The following TMOD3 variants were observed in gnomAD, a reference collection of about 807,000 sequenced individuals.
The protein encoded by TMOD3 is tropomodulin-3.
Under a neutral mutation model 39.2 loss-of-function variants are expected in TMOD3, and 20 were observed. That is an observed-to-expected ratio of 0.51 (90% CI 0.36 to 0.74). TMOD3 has a LOEUF of 0.74. Among genes scored for constraint, TMOD3 ranks in the 30% least tolerant of loss-of-function variants. The pLI is 0.00. For synonymous variants in TMOD3, 143 were observed against 145.8 expected (o/e 0.98, Z 0.14); for missense variants, 381 against 412.8 (o/e 0.92, Z 0.67).
intron 1 of TMOD3, among the ~76,000 whole-genome samples, chr15:51,840,776 G>A (rs1567260280): frequency 6.6e-6 from 1 of 152,190 alleles, no homozygotes; most frequent in Non-Finnish European, 1.5e-5. Flanking sequence ...ATTGCCTTCT[G>A]AGATTGTTGA....
chr15:51,891,936 C>T (rs895384715), intron 5 of TMOD3, among the ~76,000 whole-genome samples: 3 of 152,216 alleles, frequency 2.0e-5, no homozygotes, highest in African/African-American at 7.2e-5. Context: ...TTCTCAACTT[C>T]TACAGGATAA....
rs554868544 is a variant in TMOD3 at position 51,895,516 on chromosome 15, G to A, written c.628-903G>A. On this transcript the variant is annotated intron_variant, in intron 6 of 9. Transcript: ENST00000308580. The stretch of plus-strand genomic sequence containing the variant: ...ATTACAGGTGTGAGCCACTGCGCCC[G>A]GCCTATTTTTATTTTTTTTAATTTG... Among the ~76,000 whole-genome samples the A allele has an allele frequency of 5.3e-4, 80 of 151,956 alleles. 1 individual carries two copies. Among genetic ancestry groups the A allele is most frequent in the Non-Finnish European group, 9.3e-4 (63 of 67,954 alleles).
At chr15:51,831,629 C>T (rs1036136649) in intron 1 of TMOD3, among the ~76,000 whole-genome samples, 2 of 134,674 alleles carry the variant, frequency 1.5e-5, no homozygotes, top group Non-Finnish European at 3.0e-5. Flanking sequence ...GCTTTTTCAA[C>T]TCTCAGTTTT....
rs2056431326 is a variant in TMOD3 at position 51,863,838 on chromosome 15, T to A, written c.126+828T>A. 2.0e-5 allele frequency among the ~76,000 whole-genome samples: 3 copies of A among 152,210 alleles called. No homozygotes were observed. In the South Asian group the frequency reaches 6.2e-4, roughly 32 times the overall value. ...ATAGATCAAATCCCTTAACCATAAT[T>A]ACTATTATAAGGAAAAGTTCCCAGT... On this transcript the variant is annotated intron_variant, in intron 2 of 9. Coordinates refer to ENST00000308580, the MANE Select transcript of TMOD3 (RefSeq NM_014547.5).
chr15:51,893,708 T>C, intron 5 of TMOD3, 107 bp from the exon 6 acceptor site: 1 of 1,102,256 alleles, frequency 9.1e-7, no homozygotes, highest in Non-Finnish European at 1.2e-6. Context: ...GAGCTTGCAG[T>C]GAGCCGAGAT....
At chr15:51,863,313 A>T (rs1225677078) in intron 2 of TMOD3, among the ~76,000 whole-genome samples, 1 of 152,192 alleles carries the variant, frequency 6.6e-6, no homozygotes, top group African/African-American at 2.4e-5. Context: ...AATGCAGCAG[A>T]TGGTTACCTT....
intron 3 of TMOD3, among the ~76,000 whole-genome samples, chr15:51,881,426 C>G (rs1233213044): frequency 1.3e-5 from 2 of 151,988 alleles, no homozygotes; most frequent in East Asian, 3.8e-4. Context: ...ATTTGCCCCA[C>G]AAAAGTTTTT....
chr15:51,835,350 TG>T (rs1163324366), intron 1 of TMOD3, among the ~76,000 whole-genome samples: 2 of 152,232 alleles, frequency 1.3e-5, no homozygotes, highest in African/African-American at 4.8e-5. Context: ...TCACCCAGTT[TG>T]GAGTGCAGTA....
At chr15:51,867,635 A>G (rs562835617) in intron 2 of TMOD3, among the ~76,000 whole-genome samples, 42 of 152,358 alleles carry the variant, frequency 2.8e-4, no homozygotes, top group Non-Finnish European at 5.9e-4. Context: ...ACCCTTTATA[A>G]TGAAAAATTG....
At chr15:51,888,287 G>T (rs2056575571) in intron 4 of TMOD3, among the ~76,000 whole-genome samples, 1 of 152,184 alleles carries the variant, frequency 6.6e-6, no homozygotes, top group Non-Finnish European at 1.5e-5. Context: ...TGCATGGGGA[G>T]TTCTTCAAAC....
intron 6 of TMOD3, among the ~76,000 whole-genome samples, chr15:51,894,993 AG>A (rs1165669145): frequency 6.6e-6 from 1 of 152,196 alleles, no homozygotes; most frequent in African/African-American, 2.4e-5. Context: ...ATTACCAAAA[AG>A]TAAACTCAAA....
At chr15:51,908,640 A>G (rs2056694319) in intron 9 of TMOD3, 136 bp from the exon 10 acceptor site, 1 of 463,618 alleles carries the variant, frequency 2.2e-6, no homozygotes, top group Non-Finnish European at 3.6e-6. Flanking sequence ...ATTAGTGGTC[A>G]TGTGAACTGG....
At chr15:51,878,380 G>A (rs200083347) in intron 3 of TMOD3, among the ~76,000 whole-genome samples, 1 of 126,718 alleles carries the variant, frequency 7.9e-6, no homozygotes, top group African/African-American at 2.6e-5. Context: ...AAATATATGT[G>A]TGTGTGTGTG....
chr15:51,840,549 A>G (rs867333882), intron 1 of TMOD3, among the ~76,000 whole-genome samples: 1 of 152,242 alleles, frequency 6.6e-6, no homozygotes, highest in Admixed American at 6.5e-5. Context: ...GGACAAAACA[A>G]TAGTTCAATA....
intron 1 of TMOD3, among the ~76,000 whole-genome samples, chr15:51,861,617 A>C (rs2056419229): frequency 6.6e-6 from 1 of 151,144 alleles, no homozygotes; most frequent in Non-Finnish European, 1.5e-5. Context: ...TAACCAAATC[A>C]CTAAGTCTAA....
intron 1 of TMOD3, among the ~76,000 whole-genome samples, chr15:51,849,390 G>A (rs930580381): frequency 1.4e-4 from 22 of 152,166 alleles, no homozygotes; most frequent in Non-Finnish European, 2.5e-4. Flanking sequence ...TCAGGAGAGA[G>A]GTCCAGATTG....
chr15:51,835,430 G>C (rs1003424424), intron 1 of TMOD3, among the ~76,000 whole-genome samples: 1 of 152,118 alleles, frequency 6.6e-6, no homozygotes, highest in African/African-American at 2.4e-5. Flanking sequence ...AGCCTCTCAA[G>C]TATTAATAGC....
intron 1 of TMOD3, chr15:51,833,063 G>C (rs1250730499): frequency 6.6e-6 from 1 of 152,102 alleles, no homozygotes; most frequent in Non-Finnish European, 1.5e-5. Flanking sequence ...ACAAATATAT[G>C]GAGAGAAAAA....
intron 3 of TMOD3, among the ~76,000 whole-genome samples, chr15:51,885,196 T>G (rs2056553711): frequency 6.6e-6 from 1 of 152,230 alleles, no homozygotes; most frequent in Non-Finnish European, 1.5e-5. Flanking sequence ...TCCTTTCATA[T>G]TTTCAATCTT....
Sources: gnomAD v4.1 joint callset for allele counts (sites outside exome capture counted in the v4.1 genomes callset) on GRCh38, gnomAD v4.1.1 for gene constraint, MANE v1.5 for transcripts, NCBI Gene and HGNC (gene_info 2026-07-23, HGNC 2026-07-21) for gene names.